NBPF19: variants seen among roughly 807,000 people sequenced by gnomAD.
The protein encoded by NBPF19 is NBPF member 19, also known as NBPF family member NBPF19.
In NBPF19, 30 loss-of-function variants were observed where a neutral mutation model predicts 45.9. That is an observed-to-expected ratio of 0.65 (90% confidence interval 0.49 to 0.89). NBPF19 has a LOEUF of 0.89. NBPF19 is among the 40% of genes least tolerant of loss of function. The pLI is 0.00. For synonymous variants in NBPF19, 183 were observed against 181.2 expected, an observed-to-expected ratio of 1.01 and a Z score of -0.08; for missense variants, 495 against 471.8, an observed-to-expected ratio of 1.05 and a Z score of -0.46.
In NBPF19 at chr1:149,475,518, T is replaced by C. The variant is rs1366547661; in HGVS notation, c.-313T>C. The C allele has an allele frequency of 1.3e-4, 87 of 668,730 alleles. 4 individuals are homozygous for C. Among genetic ancestry groups the C allele is most frequent in the Non-Finnish European group, 1.8e-4 (69 of 393,746 alleles). The allele number at this position is 668,730 out of a possible 1,614,324, so 41.4% of individuals were successfully genotyped here. ...GTGAATGCTGAAGGAATGATCCCCATTGGTGGTGACCCTCAGGTGAAAGTA... is the reference window on the plus strand; with the variant it reads ...GTGAATGCTGAAGGAATGATCCCCACTGGTGGTGACCCTCAGGTGAAAGTA... On this transcript the variant is annotated 5_prime_UTR_variant, in exon 1 of 94. Coordinates refer to ENST00000651566, the MANE Select transcript of NBPF19 (RefSeq NM_001351365.2).
rs1417537901 is a variant in NBPF19 at position 149,555,820 on chromosome 1, G to A, written c.*1082G>A. ...CTTCATGATTAAATTCAGCCTAAAC[G>A]TTTTGCCGGGAACACTGCAGAGACA... On this transcript the variant is annotated 3_prime_UTR_variant, in exon 94 of 94. Coordinates refer to ENST00000651566, the MANE Select transcript of NBPF19 (RefSeq NM_001351365.2). 3 of 149,102 alleles carry A rather than the reference G, an allele frequency of 2.0e-5. No individual in the cohort carries two copies. Among genetic ancestry groups the A allele is most frequent in the Non-Finnish European group, 3.0e-5 (2 of 66,840 alleles). 9.2% of individuals were successfully genotyped at this position (149,102 alleles called of 1,614,324 possible). A position where few individuals can be genotyped will look rare whatever the true frequency, so the allele number is the denominator to read the frequency against.
rs1461305203 is a variant in NBPF19, at chr1:149,554,623, A to C, written c.11417A>C (p.Tyr3806Ser). 1.9e-6 allele frequency: 3 copies of C among 1,608,120 alleles called. No individual in the cohort carries two copies. The highest frequency in any genetic ancestry group is 2.5e-6 in the Non-Finnish European group (3 of 1,176,758). ...TTCCAGCACTACAGAAGTGTGTTTTACTCATTTGAGGAAGAGCATATCAGC... is the reference window on the plus strand; with the variant it reads ...TTCCAGCACTACAGAAGTGTGTTTTCCTCATTTGAGGAAGAGCATATCAGC... ...DSFQHYRSVFYSFEEEHISFA... is the reference protein window; with the variant it reads ...DSFQHYRSVFSSFEEEHISFA... Residue 3806 changes from tyrosine to serine, a missense_variant, in exon 94 of 94, where the codon TAC becomes TCC. This residue lies in a region of NBPF19 where 248 missense variants were observed against 95.4 expected (regional missense o/e 2.60). Coordinates refer to ENST00000651566, the MANE Select transcript of NBPF19 (RefSeq NM_001351365.2).
intron 73 of NBPF19, among the ~76,000 whole-genome samples, 168 bp from the exon 74 acceptor site, chr1:149,538,508 A>G (rs1278610308): frequency 6.0e-5 from 1 of 16,696 alleles, no homozygotes; most frequent in East Asian, 1.5e-3. Context: ...ATTCTTTTCC[A>G]TTTGGCCCTG....
Position 149,478,978 on chromosome 1 carries a change from A to G in NBPF19, c.377A>G (p.His126Arg), listed in dbSNP as rs1348926106. ...GATGCCTCCCGCTCATTGAATGAGC[A>G]TCTCCAGGCCCTCCTCACTCCGGAT... is the stretch of plus-strand genomic sequence containing the variant. ...GRDASRSLNE[H>R]LQALLTPDEP... Residue 126 changes from histidine (H) to arginine (R), a missense_variant, in exon 4 of 94, where the codon CAT becomes CGT. Around this residue, in one of 8 missense-constraint regions of NBPF19, gnomAD observed 69 missense variants for 87.8 expected, o/e 0.79. Coordinates refer to ENST00000651566, the MANE Select transcript of NBPF19 (RefSeq NM_001351365.2). 2 of 1,589,634 alleles carry G rather than the reference A, an allele frequency of 1.3e-6. No individual in the cohort carries two copies. Among genetic ancestry groups the G allele is most frequent in the Non-Finnish European group, 1.7e-6 (2 of 1,159,882 alleles).
chr1:149,477,810 G>A, intron 2 of NBPF19, 135 bp from the exon 3 acceptor site: 1 of 867,530 alleles, frequency 1.2e-6, no homozygotes, highest in Non-Finnish European at 1.8e-6. Flanking sequence ...GAATAAAGAT[G>A]TGGAAATCCC....
chr1:149,476,309 T>TG (rs2084810838), intron 2 of NBPF19, among the ~76,000 whole-genome samples: 1 of 105,306 alleles, frequency 9.5e-6, no homozygotes, highest in Non-Finnish European at 2.0e-5. Context: ...TGCAATCAGA[T>TG]GGGGGTGGAA....
Position 149,521,156 on chromosome 1 carries a change from G to A in NBPF19, c.6165-163G>A, listed in dbSNP as rs1254819396. Among the ~76,000 whole-genome samples the A allele has an allele frequency of 3.3e-4, 24 of 73,820 alleles. 1 individual carries two copies. The highest frequency in any genetic ancestry group is 2.9e-4 in the Admixed American group (2 of 6,790). 48.4% of individuals were successfully genotyped at this position (73,820 alleles called of 152,430 possible). Reference sequence around the variant, plus strand: ...TTTCTCTTTCATTGTTTTCTACCTGGCCCTGTTCTATCCCAACATAAAGGC... The same window carrying A: ...TTTCTCTTTCATTGTTTTCTACCTGACCCTGTTCTATCCCAACATAAAGGC... On this transcript the variant is annotated intron_variant, in intron 51 of 93. Coordinates refer to ENST00000651566, the MANE Select transcript of NBPF19 (RefSeq NM_001351365.2).
chr1:149,478,277 A>C (rs1311185858), intron 3 of NBPF19, among the ~76,000 whole-genome samples: 5 of 151,346 alleles, frequency 3.3e-5, no homozygotes, highest in Admixed American at 6.6e-5. Context: ...GTAATTGTTG[A>C]GGTGAAATTT....
chr1:149,488,477 T>A (rs2085768272), intron 10 of NBPF19, among the ~76,000 whole-genome samples: 1 of 126,804 alleles, frequency 7.9e-6, no homozygotes, highest in Non-Finnish European at 1.7e-5. Flanking sequence ...TGATTTTGTC[T>A]CAATTTTGTA....
intron 9 of NBPF19, among the ~76,000 whole-genome samples, chr1:149,487,791 G>GTGTC (rs2085678107): frequency 6.8e-6 from 1 of 147,018 alleles, no homozygotes; most frequent in Non-Finnish European, 1.5e-5. Context: ...GTGTGTGTGT[G>GTGTC]TGTGTGTGTG....
rs1397278376 is a variant in NBPF19 at position 149,519,476 on chromosome 1, T to TGC, written c.5883-211_5883-210insCG. ...GTGTGTGTGTGTGTGTGTGTGTGTG[T>TGC]GTGTGTGTGTGTGTGTGTCTGTCTT... is the stretch of plus-strand genomic sequence containing the variant. On this transcript the variant is annotated intron_variant, in intron 49 of 93. Coordinates refer to ENST00000651566, the MANE Select transcript of NBPF19 (RefSeq NM_001351365.2). Among the ~76,000 whole-genome samples the TGC allele has an allele frequency of 4.8e-4, 24 of 49,496 alleles. 6 individuals carry two copies. Among genetic ancestry groups the TGC allele is most frequent in the Non-Finnish European group, 7.7e-4 (20 of 25,994 alleles). 32.5% of individuals were successfully genotyped at this position (49,496 alleles called of 152,430 possible). A position where few individuals can be genotyped will look rare whatever the true frequency, so the allele number is the denominator to read the frequency against.
chr1:149,554,894 C>G lies in NBPF19; in HGVS notation c.*156C>G, dbSNP rs1290212303. 5 of 1,388,770 alleles carry G rather than the reference C, an allele frequency of 3.6e-6. No individual in the cohort carries two copies. The East Asian group carries it at 1.1e-4, about 32-fold the overall frequency. 86.0% of individuals were successfully genotyped at this position (1,388,770 alleles called of 1,614,324 possible). On this transcript the variant is annotated 3_prime_UTR_variant, in exon 94 of 94. Coordinates refer to ENST00000651566, the MANE Select transcript of NBPF19 (RefSeq NM_001351365.2). ...TATTCTCAAACCATGCCAGTGGCAA[C>G]CTGTGCTCAGTCTGAAGACAATGGA... is the stretch of plus-strand genomic sequence containing the variant.
At position 149,487,748 on chromosome 1, in the gene NBPF19, T is replaced by A. The variant is rs1314143677; in HGVS notation, c.1041-265T>A. On this transcript the variant is annotated intron_variant, in intron 9 of 93. Coordinates refer to ENST00000651566, the MANE Select transcript of NBPF19 (RefSeq NM_001351365.2). ...GTCCTTTGACTCCCTCATCAGTGTGTCACCTGACCAATTGACTGAGCTCGC... is the reference window on the plus strand; with the variant it reads ...GTCCTTTGACTCCCTCATCAGTGTGACACCTGACCAATTGACTGAGCTCGC... Among the ~76,000 whole-genome samples, 12 of 150,020 alleles carry A rather than the reference T, an allele frequency of 8.0e-5. 1 individual carries two copies. Among genetic ancestry groups the A allele is most frequent in the East Asian group, 2.0e-4 (1 of 5,084 alleles).
At chr1:149,516,132 G>A (rs1424151706) in intron 45 of NBPF19, among the ~76,000 whole-genome samples, 7 of 111,160 alleles carry the variant, frequency 6.3e-5, no homozygotes, top group Non-Finnish European at 9.7e-5. Context: ...ACCATAGGTT[G>A]ACCATACTTC....
rs1268585896 is a variant in NBPF19 at position 149,554,841 on chromosome 1, G to C, written c.*103G>C. ...GTTCCATTTGGAAGCCCAGACATAG[G>C]ATGGGTCAGTGGGCATGGCTCTTTT... is the stretch of plus-strand genomic sequence containing the variant. On this transcript the variant is annotated 3_prime_UTR_variant, in exon 94 of 94. Coordinates refer to ENST00000651566, the MANE Select transcript of NBPF19 (RefSeq NM_001351365.2). 3 of 1,576,786 alleles carry C rather than the reference G, an allele frequency of 1.9e-6. No homozygotes were observed. Among genetic ancestry groups the C allele is most frequent in the South Asian group, 1.1e-5 (1 of 87,178 alleles).
chr1:149,554,475 A>T lies in NBPF19; in HGVS notation c.11289-20A>T. 1.9e-6 allele frequency: 3 copies of T among 1,607,614 alleles called. No individual in the cohort carries two copies. The highest frequency in any genetic ancestry group is 2.2e-5 in the East Asian group (1 of 44,846). ...TCTGATTTTCCCTGGCTGCTTCTTT[A>T]GTTTTGTCTCCTTTTCCAGGCTCAA... On this transcript the variant is annotated intron_variant, in intron 93 of 93. Transcript: ENST00000651566.
In NBPF19 at chr1:149,554,433, A is replaced by T; in HGVS notation, c.11289-62A>T. 7 of 1,607,478 alleles carry T rather than the reference A, an allele frequency of 4.4e-6. No homozygotes were observed. In the East Asian group the frequency reaches 8.9e-5, roughly 20 times the overall value. The stretch of plus-strand genomic sequence containing the variant: ...CTTCCTTATGTGACTTCTGAAATCT[A>T]GTGGGGCTCTGTGGTGTCTGATTTT... On this transcript the variant is annotated intron_variant, in intron 93 of 93. Transcript: ENST00000651566.
In NBPF19 at chr1:149,487,340, T is replaced by G. The variant is rs1165417776; in HGVS notation, c.997T>G (p.Trp333Gly). The G allele has an allele frequency of 1.3e-6, 2 of 1,561,850 alleles. No individual in the cohort carries two copies. The highest frequency in any genetic ancestry group is 1.7e-6 in the Non-Finnish European group (2 of 1,145,824). The change falls in exon 9 of 94, where the codon TGG becomes GGG. Residue 333 changes from tryptophan (W) to glycine (G), a missense_variant. Physicochemically the swap from Trp to Gly is radical, Grantham distance 184 (BLOSUM62 -2). This residue lies in a region of NBPF19 where 146 missense variants were observed against 67.3 expected (regional missense o/e 2.17). Transcript: ENST00000651566. ...TCTGAATTTATTTGCAGGACATCGCTGGGATCAAGTGAAAAAGGAGGACCA... is the reference window on the plus strand; with the variant it reads ...TCTGAATTTATTTGCAGGACATCGCGGGGATCAAGTGAAAAAGGAGGACCA... ...CMAVDIGRHR[W>G]DQVKKEDQEA... is the part of the protein sequence containing the mutation.
intron 61 of NBPF19, among the ~76,000 whole-genome samples, chr1:149,528,887 C>A (rs2086900044): frequency 8.2e-6 from 1 of 122,018 alleles, no homozygotes; most frequent in African/African-American, 3.3e-5. Context: ...CTCAGAGTGT[C>A]CTGTTACTCC....
Sources: gnomAD v4.1 joint callset for allele counts (sites outside exome capture counted in the v4.1 genomes callset) on GRCh38, gnomAD v4.1.1 for gene constraint, gnomAD v4.1.1 regional missense constraint, MANE v1.5 for transcripts, NCBI Gene and HGNC (gene_info 2026-07-23, HGNC 2026-07-21) for gene names.